L3MBTL4: variants seen among roughly 807,000 people sequenced by gnomAD.
L3MBTL4 encodes lethal(3)malignant brain tumor-like protein 4.
L3MBTL4 carries 70 observed loss-of-function variants against 84.5 expected under a neutral mutation model. The observed-to-expected ratio is 0.83, with a 90% CI of 0.68 to 1.01. The LOEUF (loss-of-function observed/expected upper bound fraction) is 1.01, where lower values mean the gene tolerates loss of function less well. L3MBTL4 is among the 50% of genes least tolerant of loss of function. The pLI, the probability that L3MBTL4 is intolerant of heterozygous loss-of-function variation, is 0.00. For missense variants in L3MBTL4, 715 were observed against 754.8 expected, an observed-to-expected ratio of 0.95 and a Z score of 0.62; for synonymous variants, 274 against 259.8, an observed-to-expected ratio of 1.05 and a Z score of -0.52.
At chr18:6,355,304 T>C (rs1316971897) in intron 1 of L3MBTL4, among the ~76,000 whole-genome samples, 1 of 152,182 alleles carries the variant, frequency 6.6e-6, no homozygotes, top group African/African-American at 2.4e-5. Context: ...CCCATAAATA[T>C]ATACATCGAC....
chr18:6,199,540 A>G (rs1411236488), intron 12 of L3MBTL4, among the ~76,000 whole-genome samples: 1 of 152,184 alleles, frequency 6.6e-6, no homozygotes, highest in Admixed American at 6.5e-5. Flanking sequence ...TAGTACATAT[A>G]AGTAGAATTT....
At chr18:6,046,692 G>T (rs761180400) in intron 16 of L3MBTL4, 1 of 758,024 alleles carries the variant, frequency 1.3e-6, no homozygotes, top group Admixed American at 1.9e-5. Flanking sequence ...GTAAAAAAAA[G>T]TCTTTGAAAT....
intron 10 of L3MBTL4, among the ~76,000 whole-genome samples, chr18:6,217,519 T>G (rs748734568): frequency 6.6e-6 from 1 of 152,236 alleles, no homozygotes; most frequent in African/African-American, 2.4e-5. Context: ...TATCTATCTA[T>G]TCTACTGATT....
At position 6,003,763 on chromosome 18, in the gene L3MBTL4, A is replaced by T. The variant is rs140637977; in HGVS notation, c.1445-34201T>A. Among the ~76,000 whole-genome samples, 856 of 152,224 alleles carry T rather than the reference A, an allele frequency of 5.6e-3. 2 individuals carry two copies. The highest frequency in any genetic ancestry group is 9.5e-3 in the Non-Finnish European group (645 of 67,938). On this transcript the variant is annotated intron_variant, in intron 16 of 18. Transcript: ENST00000317931. ...ACAGAAGAAAAACTGGAGATTAAAC[A>T]ACACATTTTTAAATAATCAATGGGT...
intron 12 of L3MBTL4, among the ~76,000 whole-genome samples, chr18:6,203,820 CACT>C (rs2045753802): frequency 6.6e-6 from 1 of 152,292 alleles, no homozygotes; most frequent in East Asian, 1.9e-4. Context: ...GTGATGCAGA[CACT>C]ACATTCTGCT....
At chr18:5,966,586 G>A (rs1163737572) in intron 17 of L3MBTL4, among the ~76,000 whole-genome samples, 1 of 152,118 alleles carries the variant, frequency 6.6e-6, no homozygotes, top group Non-Finnish European at 1.5e-5. Flanking sequence ...ACCTCTGCCT[G>A]CAGCCTTTAA....
intron 14 of L3MBTL4, among the ~76,000 whole-genome samples, chr18:6,097,186 G>A (rs1227333208): frequency 6.6e-6 from 1 of 152,172 alleles, no homozygotes; most frequent in African/African-American, 2.4e-5. Flanking sequence ...CAGTTGAAGA[G>A]AGGATATACG....
At chr18:6,216,423 TAG>T (rs1296952110) in intron 10 of L3MBTL4, among the ~76,000 whole-genome samples, 2 of 152,106 alleles carry the variant, frequency 1.3e-5, no homozygotes. Flanking sequence ...TTAAATTTGC[TAG>T]AGATCTATAT....
chr18:6,348,502 G>T (rs1421053160), intron 1 of L3MBTL4, among the ~76,000 whole-genome samples: 3 of 152,062 alleles, frequency 2.0e-5, no homozygotes, highest in Non-Finnish European at 4.4e-5. Context: ...TGAAAAAGAT[G>T]ATCTTGAATG....
At chr18:6,133,647 G>T (rs1367805115) in intron 14 of L3MBTL4, among the ~76,000 whole-genome samples, 3 of 152,144 alleles carry the variant, frequency 2.0e-5, no homozygotes, top group Non-Finnish European at 4.4e-5. Context: ...GGCGGGAAAG[G>T]CCCCCTACCC....
chr18:6,214,933 C>T (rs1474119786), intron 11 of L3MBTL4, among the ~76,000 whole-genome samples: 2 of 152,140 alleles, frequency 1.3e-5, no homozygotes, highest in Admixed American at 6.5e-5. Context: ...TAAACCCTTC[C>T]TAGTACTCCA....
intron 12 of L3MBTL4, among the ~76,000 whole-genome samples, chr18:6,188,080 T>G (rs925145556): frequency 8.6e-5 from 13 of 152,016 alleles, no homozygotes; most frequent in Non-Finnish European, 1.9e-4. Context: ...TTCCTGAGTA[T>G]TTCAAGTCTA....
intron 3 of L3MBTL4, among the ~76,000 whole-genome samples, chr18:6,311,166 C>G (rs996641012): frequency 1.3e-5 from 2 of 151,668 alleles, no homozygotes; most frequent in African/African-American, 4.8e-5. Context: ...CTCTCTCGCT[C>G]TGTGTGTGTG....
At chr18:6,109,712 C>T (rs191690660) in intron 14 of L3MBTL4, among the ~76,000 whole-genome samples, 3 of 152,262 alleles carry the variant, frequency 2.0e-5, no homozygotes, top group East Asian at 1.9e-4. Flanking sequence ...CCGTGCACCC[C>T]AGAAGATGCC....
intron 16 of L3MBTL4, among the ~76,000 whole-genome samples, chr18:5,998,430 G>A (rs1053025349): frequency 2.6e-5 from 4 of 152,158 alleles, no homozygotes; most frequent in South Asian, 2.1e-4. Flanking sequence ...AGAATGTTTC[G>A]CCTGAGGACA....
intron 13 of L3MBTL4, among the ~76,000 whole-genome samples, chr18:6,168,116 C>A (rs1247431321): frequency 6.6e-6 from 1 of 152,114 alleles, no homozygotes; most frequent in Non-Finnish European, 1.5e-5. Flanking sequence ...ATCCAACTTA[C>A]AAGGGATGTG....
At chr18:6,024,142 G>C (rs2055396002) in intron 16 of L3MBTL4, among the ~76,000 whole-genome samples, 1 of 152,192 alleles carries the variant, frequency 6.6e-6, no homozygotes, top group Admixed American at 6.5e-5. Context: ...CTCCCAAAGT[G>C]CTGGGATTAC....
intron 1 of L3MBTL4, among the ~76,000 whole-genome samples, chr18:6,351,988 A>G (rs2053221964): frequency 6.6e-6 from 1 of 151,552 alleles, no homozygotes; most frequent in Non-Finnish European, 1.5e-5. Flanking sequence ...TCAAGTCAAA[A>G]GTTGATTTCT....
intron 16 of L3MBTL4, among the ~76,000 whole-genome samples, chr18:6,037,546 C>T (rs181787633): frequency 1.2e-4 from 18 of 152,248 alleles, no homozygotes; most frequent in East Asian, 1.2e-3. Context: ...AAGGCCACCA[C>T]GCTCTACATG....
Sources: allele counts gnomAD v4.1 joint callset (sites outside exome capture counted in the v4.1 genomes callset), GRCh38; gene constraint gnomAD v4.1.1; transcripts MANE v1.5; gene names NCBI Gene and HGNC (gene_info 2026-07-23, HGNC 2026-07-21).